Variants in EGFL6 observed in about 807,000 individuals in gnomAD.
EGFL6 encodes the protein epidermal growth factor-like protein 6.
A neutral mutation model predicts 43.1 loss-of-function variants in EGFL6; 42 were observed. That is an observed-to-expected ratio of 0.98 (90% confidence interval 0.76 to 1.26). The LOEUF is 1.26. Ranked by LOEUF, EGFL6 falls within the 50% of genes most tolerant of loss-of-function variation. EGFL6 has a pLI of 0.00. For missense variants in EGFL6, 429 were observed against 427.8 expected (o/e 1.00, Z -0.02); for synonymous variants, 164 against 163.2 (o/e 1.01, Z -0.04).
At chrX:13,580,667 C>T (rs1032662529) in intron 1 of EGFL6, among the ~76,000 whole-genome samples, 1 of 112,084 alleles carries the variant, frequency 8.9e-6, no homozygotes, top group African/African-American at 3.2e-5. Context: ...ACCTGAACCA[C>T]CACAATAGCT....
chrX:13,581,438 T>C, intron 1 of EGFL6, among the ~76,000 whole-genome samples: 1 of 111,332 alleles, frequency 9.0e-6, no homozygotes, highest in Non-Finnish European at 1.9e-5. Context: ...GGAGCTATGA[T>C]AAAAAAAATA....
chrX:13,571,183 G>A (rs926197178), intron 1 of EGFL6, among the ~76,000 whole-genome samples: 3 of 104,215 alleles, frequency 2.9e-5, no homozygotes, highest in Admixed American at 1.1e-4. Context: ...TCCCTGGAGG[G>A]CACAATTGCT....
At chrX:13,620,257 A>G (rs757004351) in intron 9 of EGFL6, among the ~76,000 whole-genome samples, 2 of 111,593 alleles carry the variant, frequency 1.8e-5, no homozygotes, top group Non-Finnish European at 3.8e-5. Context: ...CCATTTATAT[A>G]TTTATCCCTT....
rs761278902 is a variant in EGFL6, at chrX:13,627,054, G to A, written c.1329G>A (p.Lys443=). ...CAGTTCCGGCCTTGGCAGGTCACAA[G>A]AAAGACATTGGCCGATTGAAACTTC... is the stretch of plus-strand genomic sequence containing the variant. ...YMAVPALAGH[K]KDIGRLKLLL... is the part of the protein sequence containing the mutation. Residue 443 remains lysine, a synonymous_variant, in exon 11 of 12, where the codon AAG becomes AAA. Coordinates refer to ENST00000361306, the MANE Select transcript of EGFL6 (RefSeq NM_015507.4). 3 of 1,212,084 alleles carry A rather than the reference G, an allele frequency of 2.5e-6. No homozygotes were observed. The East Asian group carries it at 8.9e-5, about 36-fold the overall frequency.
chrX:13,632,297 GTT>G (rs1158372735), intron 11 of EGFL6, among the ~76,000 whole-genome samples: 213 of 81,120 alleles, frequency 2.6e-3, no homozygotes, highest in African/African-American at 8.9e-3. Flanking sequence ...TTGTTTTTTG[GTT>G]TTTTTTTTTT....
In EGFL6 at chrX:13,570,642, A is replaced by G. The variant is rs138571749; in HGVS notation, c.74+707A>G. 1.5e-4 allele frequency among the ~76,000 whole-genome samples: 17 copies of G among 112,181 alleles called. No homozygotes were observed. In the East Asian group the frequency reaches 2.8e-3, roughly 19 times the overall value. On this transcript the variant is annotated intron_variant, in intron 1 of 11. Transcript: ENST00000361306. ...AGACGCTTAGTAAATGCACGCTTAC[A>G]TGGTGACTGTCGACCTGGCACTGTT...
chrX:13,586,329 C>T (rs1396653193), intron 1 of EGFL6, among the ~76,000 whole-genome samples: 1 of 112,010 alleles, frequency 8.9e-6, no homozygotes, highest in Non-Finnish European at 1.9e-5. Flanking sequence ...GGAAAACAGT[C>T]GGGCAGTTCT....
chrX:13,585,895 T>C (rs1222803617), intron 1 of EGFL6, among the ~76,000 whole-genome samples: 4 of 111,599 alleles, frequency 3.6e-5, no homozygotes, highest in Non-Finnish European at 7.5e-5. Context: ...TTCATGTTGT[T>C]AAAGGAAGAG....
intron 1 of EGFL6, among the ~76,000 whole-genome samples, chrX:13,582,164 G>A (rs1013876940): frequency 2.8e-5 from 3 of 108,948 alleles, no homozygotes; most frequent in African/African-American, 1.0e-4. Flanking sequence ...CCGGGTTCAC[G>A]CCATTCTCCT....
At chrX:13,615,118 CATA>C (rs750762078) in intron 7 of EGFL6, among the ~76,000 whole-genome samples, 2 of 112,385 alleles carry the variant, frequency 1.8e-5, no homozygotes, top group Non-Finnish European at 3.8e-5. Flanking sequence ...AGAAAACCGT[CATA>C]ATGTCAAATT....
Position 13,633,029 on chromosome X carries a change from C to A in EGFL6, c.1596C>A (p.Ile532=). Residue 532 remains isoleucine (I), a synonymous_variant, in exon 12 of 12, where the codon ATC becomes ATA. Transcript: ENST00000361306. ...AERGKGKTGE[I]AVDGVLLVSG... is the part of the protein sequence containing the mutation. ...GTGGCAAGGGCAAAACCGGCGAAAT[C>A]GCAGTGGATGGCGTCTTGCTTGTTT... is the stretch of plus-strand genomic sequence containing the variant. The A allele has an allele frequency of 3.3e-6, 4 of 1,207,649 alleles. No homozygotes were observed. Among genetic ancestry groups the A allele is most frequent in the Non-Finnish European group, 4.5e-6 (4 of 894,274 alleles).
chrX:13,619,338 C>T (rs2045737401), intron 9 of EGFL6, 95 bp downstream of exon 9: 2 of 773,519 alleles, frequency 2.6e-6, no homozygotes, highest in African/African-American at 2.1e-5. Context: ...TGAATCCCTG[C>T]TTCATTCGTA....
At chrX:13,573,141 G>A (rs2045452056) in intron 1 of EGFL6, among the ~76,000 whole-genome samples, 2 of 111,931 alleles carry the variant, frequency 1.8e-5, no homozygotes, top group African/African-American at 3.2e-5. Flanking sequence ...GCCCTCACTC[G>A]ATCACATCTG....
At chrX:13,632,904 G>C in intron 11 of EGFL6, 81 bp from the exon 12 acceptor site, 1 of 914,051 alleles carries the variant, frequency 1.1e-6, no homozygotes. Context: ...AGGGACACGA[G>C]TTAATAGCTA....
Position 13,600,136 on chromosome X carries a change from G to A in EGFL6, c.400+42G>A, listed in dbSNP as rs189502031. 48 of 1,175,663 alleles carry A rather than the reference G, an allele frequency of 4.1e-5. 1 individual carries two copies. In the African/African-American group the frequency reaches 5.7e-4, roughly 14 times the overall value. The stretch of plus-strand genomic sequence containing the variant: ...AGGCTGATCTCAGTCAATGTTTAAG[G>A]CTTGGCTTTTGCCATTTGATGCTTG... On this transcript the variant is annotated intron_variant, in intron 4 of 11. Coordinates refer to ENST00000361306, the MANE Select transcript of EGFL6 (RefSeq NM_015507.4).
chrX:13,594,989 C>T (rs2045589172), intron 3 of EGFL6, 61 bp downstream of exon 3: 1 of 865,520 alleles, frequency 1.2e-6, no homozygotes, highest in East Asian at 3.3e-5. Flanking sequence ...GCTGGCGACT[C>T]AATATGGTAC....
intron 2 of EGFL6, among the ~76,000 whole-genome samples, chrX:13,594,562 G>A (rs892075025): frequency 8.9e-6 from 1 of 111,737 alleles, no homozygotes; most frequent in Non-Finnish European, 1.9e-5. Flanking sequence ...ATTTGCCCAG[G>A]GTTACTCTGG....
intron 4 of EGFL6, among the ~76,000 whole-genome samples, chrX:13,602,401 A>T (rs1187485741): frequency 2.7e-5 from 3 of 112,556 alleles, no homozygotes; most frequent in East Asian, 5.5e-4. Context: ...GCAACAAGTG[A>T]CAAAAAAGCC....
At chrX:13,595,905 A>C (rs1362228027) in intron 3 of EGFL6, among the ~76,000 whole-genome samples, 3 of 110,229 alleles carry the variant, frequency 2.7e-5, no homozygotes, top group African/African-American at 9.9e-5. Context: ...GTTTTTGTAT[A>C]GACGAGGTCC....
Sources: gnomAD v4.1 joint callset for allele counts (sites outside exome capture counted in the v4.1 genomes callset) on GRCh38, gnomAD v4.1.1 for gene constraint, MANE v1.5 for transcripts, NCBI Gene and HGNC (gene_info 2026-07-23, HGNC 2026-07-21) for gene names.